The following ATXN10 variants were observed in gnomAD, a reference collection of about 807,000 sequenced individuals.
The protein encoded by ATXN10 is ataxin-10.
In ATXN10, 28 loss-of-function variants were observed where a neutral mutation model predicts 52.9. The observed-to-expected ratio is 0.53, with a 90% CI of 0.39 to 0.73. ATXN10 has a LOEUF of 0.73. ATXN10 is among the 30% of genes least tolerant of loss of function. ATXN10 has a pLI of 0.00. For synonymous variants in ATXN10, 226 were observed against 221.5 expected (o/e 1.02, Z -0.18); for missense variants, 565 against 577.0 (o/e 0.98, Z 0.21).
Position 45,843,575 on chromosome 22 carries a change from C to G in ATXN10, c.1426-94C>G. The stretch of plus-strand genomic sequence containing the variant: ...GGTTTCTCTAAGTTATTTGTCACCA[C>G]TGACCAAAGTTCTGGGTTTTTTCCC... On this transcript the variant is annotated intron_variant, in intron 11 of 11. Coordinates refer to ENST00000252934, the MANE Select transcript of ATXN10 (RefSeq NM_013236.4). The surrounding 1 kb of genome is among the most constrained non-coding windows in gnomAD (Gnocchi z 4.5). The G allele has an allele frequency of 8.3e-7, 1 of 1,203,952 alleles. No individual in the cohort carries two copies. The highest frequency in any genetic ancestry group is 1.2e-6 in the Non-Finnish European group (1 of 817,420). The allele number at this position is 1,203,952 out of a possible 1,614,324, so 74.6% of individuals were successfully genotyped here. A position where few individuals can be genotyped will look rare whatever the true frequency, so the allele number is the denominator to read the frequency against.
chr22:45,796,474 C>T (rs1480755557), intron 9 of ATXN10, among the ~76,000 whole-genome samples: 1 of 152,176 alleles, frequency 6.6e-6, no homozygotes, highest in Non-Finnish European at 1.5e-5. Context: ...TTTGTACACC[C>T]CTCCCCTTTT....
chr22:45,762,491 C>T lies in ATXN10; in HGVS notation c.1173+21953C>T, dbSNP rs1278231087. ...TTGGTGGGCTCCACCCTAGCCGAACCTGTGTCTGCACACCTGTTGTGTCTT... is the reference window on the plus strand; with the variant it reads ...TTGGTGGGCTCCACCCTAGCCGAACTTGTGTCTGCACACCTGTTGTGTCTT... On this transcript the variant is annotated intron_variant, in intron 9 of 11. Transcript: ENST00000252934. This position sits in a 1 kb window ranked among gnomAD's most constrained non-coding sequence, Gnocchi z 4.3. 6.6e-6 allele frequency among the ~76,000 whole-genome samples: 1 copy of T among 152,224 alleles called. No individual in the cohort carries two copies. The highest frequency in any genetic ancestry group is 2.4e-5 in the African/African-American group (1 of 41,462).
At chr22:45,808,572 C>T (rs1329386194) in intron 10 of ATXN10, among the ~76,000 whole-genome samples, 1 of 152,242 alleles carries the variant, frequency 6.6e-6, no homozygotes. Flanking sequence ...TGTGTGTTTA[C>T]ACCCATTGCC....
At position 45,705,157 on chromosome 22, in the gene ATXN10, G is replaced by A. The variant is rs1285270801; in HGVS notation, c.647+2310G>A. 2.0e-5 allele frequency among the ~76,000 whole-genome samples: 3 copies of A among 151,882 alleles called. No individual in the cohort carries two copies. The highest frequency in any genetic ancestry group is 2.9e-5 in the Non-Finnish European group (2 of 67,970). ...ATCCTTTTTATATGTTGCTGGATTC[G>A]GTTCATATTTTGTTGGGGATTTTTG... On this transcript the variant is annotated intron_variant, in intron 5 of 11. Transcript: ENST00000252934. This position sits in a 1 kb window ranked among gnomAD's most constrained non-coding sequence, Gnocchi z 5.2.
intron 9 of ATXN10, among the ~76,000 whole-genome samples, chr22:45,803,420 T>C (rs1292400708): frequency 6.6e-6 from 1 of 152,208 alleles, no homozygotes; most frequent in Non-Finnish European, 1.5e-5. Flanking sequence ...TTAAGCTAAA[T>C]GCCACTTCTT....
chr22:45,684,669 ACT>A lies in ATXN10; in HGVS notation c.117-5038_117-5037del, dbSNP rs1404942428. 1.3e-5 allele frequency among the ~76,000 whole-genome samples: 2 copies of A among 151,940 alleles called. No homozygotes were observed. The highest frequency in any genetic ancestry group is 2.9e-5 in the Non-Finnish European group (2 of 67,998). ...TTGGCCATCAGAGCTGGAAATATTC[ACT>A]CTCTGACCCTTTACAGAAAAAGTTT... On this transcript the variant is annotated intron_variant, in intron 1 of 11. Coordinates refer to ENST00000252934, the MANE Select transcript of ATXN10 (RefSeq NM_013236.4). This position sits in a 1 kb window ranked among gnomAD's most constrained non-coding sequence, Gnocchi z 4.1.
rs1348478096 is a variant in ATXN10 at position 45,754,780 on chromosome 22, TG to T, written c.1173+14244del. ...TGAGGCAGGAGGATCGCTTGAACTC[TG>T]GAGGCAGAGGTTGCAGTGAGCTGAG... On this transcript the variant is annotated intron_variant, in intron 9 of 11. Transcript: ENST00000252934. This position sits in a 1 kb window ranked among gnomAD's most constrained non-coding sequence, Gnocchi z 5.4. 2.0e-5 allele frequency among the ~76,000 whole-genome samples: 3 copies of T among 152,200 alleles called. No homozygotes were observed. Among genetic ancestry groups the T allele is most frequent in the Non-Finnish European group, 2.9e-5 (2 of 68,024 alleles).
Position 45,690,109 on chromosome 22 carries a change from CAA to C in ATXN10, c.308+213_308+214del, listed in dbSNP as rs931274546. On this transcript the variant is annotated intron_variant, in intron 2 of 11. Coordinates refer to ENST00000252934, the MANE Select transcript of ATXN10 (RefSeq NM_013236.4). This position sits in a 1 kb window ranked among gnomAD's most constrained non-coding sequence, Gnocchi z 4.5. ...GCAACATGGTGAGACCCTGTCTCTA[CAA>C]AAAAAATACAAAAAATTAGCTGGAC... 6.6e-6 allele frequency among the ~76,000 whole-genome samples: 1 copy of C among 151,076 alleles called. No homozygotes were observed. Among genetic ancestry groups the C allele is most frequent in the Non-Finnish European group, 1.5e-5 (1 of 67,780 alleles).
Position 45,681,516 on chromosome 22 carries a change from A to G in ATXN10, c.117-8196A>G, listed in dbSNP as rs2146727500. Among the ~76,000 whole-genome samples the G allele has an allele frequency of 6.6e-6, 1 of 152,134 alleles. No individual in the cohort carries two copies. Among genetic ancestry groups the G allele is most frequent in the African/African-American group, 2.4e-5 (1 of 41,498 alleles). Reference sequence around the variant, plus strand: ...ACATTCCCATCTTGATCTGGCTTAGATCCATGGATGAGTAATAAGAGCATT... The same window carrying G: ...ACATTCCCATCTTGATCTGGCTTAGGTCCATGGATGAGTAATAAGAGCATT... On this transcript the variant is annotated intron_variant, in intron 1 of 11. Coordinates refer to ENST00000252934, the MANE Select transcript of ATXN10 (RefSeq NM_013236.4). The surrounding 1 kb of genome is among the most constrained non-coding windows in gnomAD (Gnocchi z 4.2).
chr22:45,798,120 A>G (rs1014665999), intron 9 of ATXN10, among the ~76,000 whole-genome samples: 1 of 152,208 alleles, frequency 6.6e-6, no homozygotes, highest in African/African-American at 2.4e-5. Flanking sequence ...CATATACCCA[A>G]TCTTTCTCTT....
intron 9 of ATXN10, chr22:45,792,761 T>C (rs1211986742): frequency 6.3e-6 from 3 of 478,738 alleles, no homozygotes; most frequent in African/African-American, 4.0e-5. Context: ...TTTTCTCTTC[T>C]TTTGAAATCG....
intron 7 of ATXN10, among the ~76,000 whole-genome samples, chr22:45,730,890 T>C (rs1193753302): frequency 2.0e-5 from 3 of 152,252 alleles, no homozygotes; most frequent in African/African-American, 7.2e-5. Flanking sequence ...AAGCTCTTGA[T>C]ACATACTTCC....
intron 9 of ATXN10, among the ~76,000 whole-genome samples, chr22:45,743,072 A>C (rs1164941972): frequency 6.6e-6 from 1 of 152,224 alleles, no homozygotes; most frequent in Non-Finnish European, 1.5e-5. Flanking sequence ...CACCATAAGT[A>C]AATATGGAGT....
Position 45,823,768 on chromosome 22 carries a change from C to A in ATXN10, c.1237+16746C>A, listed in dbSNP as rs1928730225. The stretch of plus-strand genomic sequence containing the variant: ...TATTGAGTAGCTGGCATGTTATGTG[C>A]TGCACACTGTTCTAGCTGCCAGGGA... On this transcript the variant is annotated intron_variant, in intron 10 of 11. Coordinates refer to ENST00000252934, the MANE Select transcript of ATXN10 (RefSeq NM_013236.4). This position sits in a 1 kb window ranked among gnomAD's most constrained non-coding sequence, Gnocchi z 4.9. 6.6e-6 allele frequency among the ~76,000 whole-genome samples: 1 copy of A among 152,132 alleles called. No homozygotes were observed. The highest frequency in any genetic ancestry group is 2.4e-5 in the African/African-American group (1 of 41,428).
At chr22:45,749,720 C>A (rs890893123) in intron 9 of ATXN10, among the ~76,000 whole-genome samples, 2 of 151,978 alleles carry the variant, frequency 1.3e-5, no homozygotes, top group Non-Finnish European at 2.9e-5. Flanking sequence ...TGCCACCATG[C>A]CCGACTACTA....
intron 7 of ATXN10, among the ~76,000 whole-genome samples, chr22:45,735,576 C>T (rs983873608): frequency 1.3e-5 from 2 of 152,068 alleles, no homozygotes; most frequent in Non-Finnish European, 2.9e-5. Flanking sequence ...CAAAAAAATG[C>T]AGAAACTGAT....
chr22:45,764,351 C>T (rs1926508856), intron 9 of ATXN10, among the ~76,000 whole-genome samples: 1 of 151,558 alleles, frequency 6.6e-6, no homozygotes. Context: ...TGGTAAGTTT[C>T]CGTGGAAGGG....
rs114677589 is a variant in ATXN10, at chr22:45,723,072, G to T, written c.728+4579G>T. ...CCAATTTAAAAGGAATATATTTAGA[G>T]TACGCATTTGGGCCACGTGGAATAG... On this transcript the variant is annotated intron_variant, in intron 6 of 11. Coordinates refer to ENST00000252934, the MANE Select transcript of ATXN10 (RefSeq NM_013236.4). 7.0e-3 allele frequency among the ~76,000 whole-genome samples: 1,058 copies of T among 152,156 alleles called. 15 individuals carry two copies. The highest frequency in any genetic ancestry group is 0.024 in the African/African-American group (995 of 41,490).
At chr22:45,793,575 A>C in intron 9 of ATXN10, 1 of 1,296,678 alleles carries the variant, frequency 7.7e-7, no homozygotes, top group Non-Finnish European at 9.8e-7. Context: ...AAATGACTAG[A>C]ATTCTGGAGC....
Sources: allele counts gnomAD v4.1 joint callset (sites outside exome capture counted in the v4.1 genomes callset), GRCh38; gene constraint gnomAD v4.1.1; non-coding constraint Gnocchi (gnomAD v3.1); transcripts MANE v1.5; gene names NCBI Gene and HGNC (gene_info 2026-07-23, HGNC 2026-07-21).